BABAM2: variants seen among roughly 807,000 people sequenced by gnomAD.
The protein encoded by BABAM2 is BRISC and BRCA1 A complex member 2.
A neutral mutation model predicts 54.7 loss-of-function variants in BABAM2; 31 were observed. The observed-to-expected ratio is 0.57, with a 90% CI of 0.43 to 0.77. The LOEUF (loss-of-function observed/expected upper bound fraction) is 0.77, where lower values mean the gene tolerates loss of function less well. BABAM2 is among the 30% of genes least tolerant of loss of function. The pLI is 0.00. For missense variants in BABAM2, 364 were observed against 455.8 expected (o/e 0.80, Z 1.83); for synonymous variants, 167 against 162.9 (o/e 1.03, Z -0.19).
intron 6 of BABAM2, among the ~76,000 whole-genome samples, chr2:28,107,522 T>A (rs1393092523): frequency 6.6e-6 from 1 of 152,162 alleles, no homozygotes; most frequent in African/African-American, 2.4e-5. Flanking sequence ...GCCCTTCTAC[T>A]TCAGTGACTT....
chr2:28,127,515 A>G (rs1409435286), intron 6 of BABAM2, among the ~76,000 whole-genome samples: 2 of 152,100 alleles, frequency 1.3e-5, no homozygotes, highest in Non-Finnish European at 2.9e-5. Context: ...GAGCGAGAGG[A>G]GAGGGAATCC....
intron 7 of BABAM2, among the ~76,000 whole-genome samples, chr2:28,213,498 T>C (rs1679657357): frequency 6.6e-6 from 1 of 152,142 alleles, no homozygotes; most frequent in African/African-American, 2.4e-5. Context: ...GGGAATGCTG[T>C]ATTATATTGA....
At chr2:28,070,556 C>CTTTTTT (rs35933472) in intron 6 of BABAM2, among the ~76,000 whole-genome samples, 16 of 147,222 alleles carry the variant, frequency 1.1e-4, no homozygotes, top group African/African-American at 3.5e-4. Flanking sequence ...CTTTTCTTTT[C>CTTTTTT]TTTTTTTTTT....
intron 10 of BABAM2, among the ~76,000 whole-genome samples, chr2:28,282,994 T>TC (rs1171851684): frequency 2.4e-3 from 12 of 5,048 alleles, no homozygotes; most frequent in East Asian, 0.011. Flanking sequence ...CGAGACTCCG[T>TC]CCCAAAAAAA....
intron 3 of BABAM2, among the ~76,000 whole-genome samples, chr2:27,958,010 G>GCATCAAGCCCA (rs1330910189): frequency 1.3e-5 from 2 of 152,162 alleles, no homozygotes; most frequent in Admixed American, 1.3e-4. Flanking sequence ...TATCTTGGAG[G>GCATCAAGCCCA]TTTCCCAGCC....
Position 28,223,324 on chromosome 2 carries a change from G to A in BABAM2, c.681-13878G>A, listed in dbSNP as rs140789705. 5.7e-3 allele frequency among the ~76,000 whole-genome samples: 875 copies of A among 152,334 alleles called. 8 individuals are homozygous for A. Among genetic ancestry groups the A allele is most frequent in the African/African-American group, 0.02 (826 of 41,576 alleles). ...GTTTGGGGAGCACACTGCAGAGGGG[G>A]ACAGTGCCCCCATCCAGTGTCTGTG... On this transcript the variant is annotated intron_variant, in intron 7 of 11. Coordinates refer to ENST00000379624, the MANE Select transcript of BABAM2 (RefSeq NM_199191.3).
intron 6 of BABAM2, among the ~76,000 whole-genome samples, chr2:28,097,863 T>C (rs1666756253): frequency 6.6e-6 from 1 of 152,246 alleles, no homozygotes; most frequent in Non-Finnish European, 1.5e-5. Flanking sequence ...CACTAGCACT[T>C]TCCCCTCTGT....
chr2:28,192,779 C>T (rs968890839), intron 7 of BABAM2, among the ~76,000 whole-genome samples: 7 of 151,894 alleles, frequency 4.6e-5, no homozygotes, highest in Admixed American at 4.6e-4. Context: ...ACCTGGGCCT[C>T]CCAAAGTGCT....
intron 2 of BABAM2, among the ~76,000 whole-genome samples, chr2:27,909,088 G>A (rs1666396279): frequency 6.6e-6 from 1 of 151,934 alleles, no homozygotes; most frequent in Admixed American, 6.6e-5. Context: ...TGTCACCCAG[G>A]CTGGAGTGCA....
intron 7 of BABAM2, among the ~76,000 whole-genome samples, chr2:28,149,754 A>C (rs1473725915): frequency 6.6e-6 from 1 of 152,202 alleles, no homozygotes; most frequent in African/African-American, 2.4e-5. Flanking sequence ...CTAGTAGGGT[A>C]GTAGCCTTCC....
In BABAM2 at chr2:27,987,921, T is replaced by C. The variant is rs1020808124; in HGVS notation, c.206-72T>C. ...AATGTAAATTTCTTTTAGAAGTTTTTCTGATACAGTCTTCAGAATATTCAT... is the reference window on the plus strand; with the variant it reads ...AATGTAAATTTCTTTTAGAAGTTTTCCTGATACAGTCTTCAGAATATTCAT... On this transcript the variant is annotated intron_variant, in intron 3 of 11. Coordinates refer to ENST00000379624, the MANE Select transcript of BABAM2 (RefSeq NM_199191.3). The C allele has an allele frequency of 3.0e-6, 4 of 1,330,180 alleles. No individual in the cohort carries two copies. The Admixed American group carries it at 7.7e-5, about 26-fold the overall frequency. The allele number at this position is 1,330,180 out of a possible 1,614,324, so 82.4% of individuals were successfully genotyped here. A position where few individuals can be genotyped will look rare whatever the true frequency, so the allele number is the denominator to read the frequency against.
intron 3 of BABAM2, among the ~76,000 whole-genome samples, chr2:27,943,690 A>C (rs529673525): frequency 3.6e-4 from 55 of 152,264 alleles, no homozygotes; most frequent in Non-Finnish European, 6.9e-4. Flanking sequence ...CTGTCTAGGG[A>C]CTTAGTATTT....
chr2:27,928,071 G>A (rs920338789), intron 2 of BABAM2, among the ~76,000 whole-genome samples: 5 of 151,936 alleles, frequency 3.3e-5, no homozygotes, highest in African/African-American at 1.2e-4. Context: ...GAGTGCAGTG[G>A]CAGGATCTCG....
At chr2:27,897,957 A>G (rs1665474892) in intron 2 of BABAM2, among the ~76,000 whole-genome samples, 1 of 152,160 alleles carries the variant, frequency 6.6e-6, no homozygotes, top group South Asian at 2.1e-4. Context: ...AAGTAGAGTG[A>G]TGTACTTCCT....
intron 4 of BABAM2, among the ~76,000 whole-genome samples, chr2:27,999,018 A>G (rs1673380139): frequency 6.6e-6 from 1 of 152,164 alleles, no homozygotes; most frequent in Non-Finnish European, 1.5e-5. Context: ...TTATCATAGC[A>G]CATTATATAC....
intron 7 of BABAM2, among the ~76,000 whole-genome samples, chr2:28,227,810 C>A (rs1466526611): frequency 6.6e-6 from 1 of 152,158 alleles, no homozygotes; most frequent in Non-Finnish European, 1.5e-5. Context: ...CACTAAGGAA[C>A]AGGTTAGCAT....
intron 7 of BABAM2, among the ~76,000 whole-genome samples, chr2:28,189,193 C>T (rs1462690869): frequency 7.0e-6 from 1 of 142,360 alleles, no homozygotes; most frequent in African/African-American, 2.6e-5. Flanking sequence ...GAGTGAGACT[C>T]CCTCTCAAAA....
intron 6 of BABAM2, among the ~76,000 whole-genome samples, chr2:28,093,384 A>T (rs1169378475): frequency 6.6e-6 from 1 of 152,162 alleles, no homozygotes; most frequent in Non-Finnish European, 1.5e-5. Flanking sequence ...TGGGATCTGA[A>T]CTTGTGTCTT....
At chr2:28,080,951 C>A (rs1002765732) in intron 6 of BABAM2, among the ~76,000 whole-genome samples, 1 of 152,106 alleles carries the variant, frequency 6.6e-6, no homozygotes, top group African/African-American at 2.4e-5. Context: ...ACATTAAGAA[C>A]CTTCGTCTGG....
Sources: gnomAD v4.1 joint callset for allele counts (sites outside exome capture counted in the v4.1 genomes callset) on GRCh38, gnomAD v4.1.1 for gene constraint, MANE v1.5 for transcripts, NCBI Gene and HGNC (gene_info 2026-07-23, HGNC 2026-07-21) for gene names.